Variants in EIF3H observed in about 807,000 individuals in gnomAD.
The protein encoded by EIF3H is eIF-3-gamma.
Under a neutral mutation model 44.2 loss-of-function variants are expected in EIF3H, and 26 were observed. The observed-to-expected ratio is 0.59, with a 90% CI of 0.43 to 0.82. EIF3H has a LOEUF of 0.82. Among genes scored for constraint, EIF3H ranks in the 40% least tolerant of loss-of-function variants. The probability of loss-of-function intolerance (pLI) is 0.00; values close to 1 mark genes in which losing one functional copy is unlikely to be tolerated. For synonymous variants in EIF3H, 166 were observed against 151.9 expected (o/e 1.09, Z -0.68); for missense variants, 359 against 432.8 (o/e 0.83, Z 1.51).
At chr8:116,670,636 T>C (rs1167064340) in intron 2 of EIF3H, among the ~76,000 whole-genome samples, 3 of 152,202 alleles carry the variant, frequency 2.0e-5, no homozygotes, top group African/African-American at 7.2e-5. Flanking sequence ...GACTTCTACA[T>C]TTGAGAAGAA....
chr8:116,658,780 A>G, intron 3 of EIF3H, 33 bp downstream of exon 3: 3 of 1,596,240 alleles, frequency 1.9e-6, no homozygotes, highest in Non-Finnish European at 2.6e-6. Flanking sequence ...TAATAATATT[A>G]AGGGAAAAAA....
intron 5 of EIF3H, among the ~76,000 whole-genome samples, chr8:116,650,714 G>C (rs901267767): frequency 6.6e-6 from 1 of 152,170 alleles, no homozygotes; most frequent in Non-Finnish European, 1.5e-5. Flanking sequence ...ATCCAGGCTG[G>C]TGCAGTGGGG....
intron 1 of EIF3H, among the ~76,000 whole-genome samples, chr8:116,750,517 C>A (rs1015008188): frequency 2.6e-5 from 4 of 151,498 alleles, no homozygotes; most frequent in African/African-American, 9.7e-5. Context: ...TCATGCCATT[C>A]CCCTGCCTCA....
In EIF3H at chr8:116,643,225, C is replaced by G. The variant is rs1813250349; in HGVS notation, c.*1781G>C. ...CCCTTCTGTCTAACACAGTCACACT[C>G]AAATTTGTGTTGACTCCAATTTAAG... On this transcript the variant is annotated 3_prime_UTR_variant, in exon 8 of 8. Transcript: ENST00000521861. 1 of 151,974 alleles carries G rather than the reference C, an allele frequency of 6.6e-6. No homozygotes were observed. The highest frequency in any genetic ancestry group is 2.1e-4 in the South Asian group (1 of 4,838). The allele number at this position is 151,974 out of a possible 1,614,324, so 9.4% of individuals were successfully genotyped here.
chr8:116,724,262 G>T (rs1586477840), intron 2 of EIF3H, among the ~76,000 whole-genome samples: 1 of 152,128 alleles, frequency 6.6e-6, no homozygotes, highest in Non-Finnish European at 1.5e-5. Context: ...ACATGCCAAA[G>T]AACGAAGCTG....
intron 5 of EIF3H, among the ~76,000 whole-genome samples, chr8:116,651,847 T>A (rs558452969): frequency 6.6e-6 from 1 of 152,334 alleles, no homozygotes; most frequent in South Asian, 2.1e-4. Flanking sequence ...ACTACAAGTC[T>A]GGAATCTGTC....
At chr8:116,686,671 G>A (rs1814082837) in intron 2 of EIF3H, among the ~76,000 whole-genome samples, 1 of 151,906 alleles carries the variant, frequency 6.6e-6, no homozygotes, top group African/African-American at 2.4e-5. Context: ...TCAACAGGTT[G>A]TAGGGTACAG....
chr8:116,645,989 T>A (rs1813290183), intron 7 of EIF3H, among the ~76,000 whole-genome samples: 1 of 152,230 alleles, frequency 6.6e-6, no homozygotes, highest in African/African-American at 2.4e-5. Flanking sequence ...GGACCTCTCC[T>A]GCTTAAAGGT....
intron 2 of EIF3H, among the ~76,000 whole-genome samples, chr8:116,683,441 T>G (rs1353203871): frequency 6.6e-6 from 1 of 152,170 alleles, no homozygotes; most frequent in Admixed American, 6.5e-5. Flanking sequence ...CCTCTTCTTA[T>G]AAGGACATGA....
chr8:116,730,668 T>C (rs1275320894), intron 1 of EIF3H, among the ~76,000 whole-genome samples: 1 of 152,180 alleles, frequency 6.6e-6, no homozygotes, highest in East Asian at 1.9e-4. Flanking sequence ...AGAGACAGAA[T>C]CCATGTTGTG....
chr8:116,696,549 A>G (rs995526760), intron 2 of EIF3H, among the ~76,000 whole-genome samples: 4 of 152,214 alleles, frequency 2.6e-5, no homozygotes, highest in Non-Finnish European at 5.9e-5. Flanking sequence ...AGGAATAATG[A>G]TTGAGGTTTG....
intron 1 of EIF3H, among the ~76,000 whole-genome samples, chr8:116,763,255 C>T (rs1340084924): frequency 1.3e-5 from 2 of 152,090 alleles, no homozygotes; most frequent in Non-Finnish European, 2.9e-5. Flanking sequence ...TTTCGCATAA[C>T]AGAGTATCTC....
In EIF3H at chr8:116,646,591, G is replaced by A. The variant is rs1246648329; in HGVS notation, c.841C>T (p.Arg281Cys). 9 of 1,613,878 alleles carry A rather than the reference G, an allele frequency of 5.6e-6. No individual in the cohort carries two copies. The highest frequency in any genetic ancestry group is 1.3e-5 in the African/African-American group (1 of 74,884). The change falls in exon 7 of 8, where the codon CGC (arginine) becomes TGC (cysteine). Residue 281 changes from arginine to cysteine, a missense_variant. Arg to Cys is a radical substitution (Grantham distance 180). Around this residue, in one of 5 missense-constraint regions of EIF3H, gnomAD observed 94 missense variants for 96.0 expected, o/e 0.98. Coordinates refer to ENST00000521861, the MANE Select transcript of EIF3H (RefSeq NM_003756.3). ...TGGCGCTGCATATTCTCCTGCTGGC[G>A]ACGCTGCTGATACTAAAATTCAAAG... The part of the protein sequence containing the change: ...QQQKHQYQQR[R>C]QQENMQRQSR...
chr8:116,707,200 C>A (rs1814486184), intron 2 of EIF3H, among the ~76,000 whole-genome samples: 1 of 152,158 alleles, frequency 6.6e-6, no homozygotes, highest in Non-Finnish European at 1.5e-5. Flanking sequence ...AAAGATTAAT[C>A]CTCTCTCCAG....
At chr8:116,649,617 T>C (rs983291127) in intron 5 of EIF3H, among the ~76,000 whole-genome samples, 8 of 152,192 alleles carry the variant, frequency 5.3e-5, no homozygotes, top group African/African-American at 1.4e-4. Flanking sequence ...ACTATACATA[T>C]ATATATTTTT....
intron 2 of EIF3H, among the ~76,000 whole-genome samples, chr8:116,668,102 T>C (rs1220420391): frequency 6.6e-6 from 1 of 152,236 alleles, no homozygotes; most frequent in Admixed American, 6.5e-5. Flanking sequence ...TGACTACTTC[T>C]CCAACACTCG....
At chr8:116,680,729 C>T (rs1813970230) in intron 2 of EIF3H, among the ~76,000 whole-genome samples, 2 of 143,104 alleles carry the variant, frequency 1.4e-5, no homozygotes, top group African/African-American at 2.6e-5. Flanking sequence ...AACCAGAGAC[C>T]TTTGTTCACT....
chr8:116,765,786 G>A (rs973825475), exon 1 of EIF3H: 1 of 152,176 alleles, frequency 6.6e-6, no homozygotes, highest in African/African-American at 2.4e-5. Context: ...TTGGGTTTGT[G>A]GCAAAACCAG....
At chr8:116,675,544 T>C (rs922544679) in intron 2 of EIF3H, among the ~76,000 whole-genome samples, 2 of 152,228 alleles carry the variant, frequency 1.3e-5, no homozygotes, top group African/African-American at 4.8e-5. Flanking sequence ...CCTCCTGATG[T>C]CCTCTGGGGA....
Sources: allele counts gnomAD v4.1 joint callset (sites outside exome capture counted in the v4.1 genomes callset), GRCh38; gene constraint gnomAD v4.1.1; regional missense constraint gnomAD v4.1.1; transcripts MANE v1.5; gene names NCBI Gene and HGNC (gene_info 2026-07-23, HGNC 2026-07-21).